USP30: variants seen among roughly 807,000 people sequenced by gnomAD.
USP30 encodes the protein ubiquitin carboxyl-terminal hydrolase 30.
Under a neutral mutation model 68.2 loss-of-function variants are expected in USP30, and 41 were observed. The observed-to-expected ratio is 0.60, with a 90% CI of 0.47 to 0.78. The LOEUF (loss-of-function observed/expected upper bound fraction) is 0.78. USP30 is among the 30% of genes least tolerant of loss of function. USP30 has a pLI of 0.00. For missense variants in USP30, 522 were observed against 649.4 expected (o/e 0.80, Z 2.13); for synonymous variants, 229 against 253.7 (o/e 0.90, Z 0.93).
upstream of USP30, among the ~76,000 whole-genome samples, chr12:109,050,012 C>T (rs1011004347): frequency 4.7e-5 from 7 of 150,364 alleles, no homozygotes; most frequent in Non-Finnish European, 7.4e-5. Context: ...CAAGATATGC[C>T]GGGCGGGGCA....
chr12:109,028,202 T>C (rs1180040172), intron 3 of USP30, among the ~76,000 whole-genome samples: 1 of 152,260 alleles, frequency 6.6e-6, no homozygotes, highest in Non-Finnish European at 1.5e-5. Context: ...CACTCATTTT[T>C]TAATTGAATT....
chr12:109,041,609 T>G (rs1431842357), intron 3 of USP30, among the ~76,000 whole-genome samples: 1 of 151,084 alleles, frequency 6.6e-6, no homozygotes, highest in Non-Finnish European at 1.5e-5. Flanking sequence ...CACTCCAGCC[T>G]GGGTGACAGA....
Position 109,030,812 on chromosome 12 carries a change from C to T in USP30, c.-136+3256C>T, listed in dbSNP as rs376724299. ...TGTATTTTTAGTAGAGAGAGGGTTTCACCATCTTGGCCAGGCTGGTCTTGA... is the reference window on the plus strand; with the variant it reads ...TGTATTTTTAGTAGAGAGAGGGTTTTACCATCTTGGCCAGGCTGGTCTTGA... On this transcript the variant is annotated intron_variant, in intron 3 of 15. Coordinates refer to the USP30 transcript ENST00000392784. Among the ~76,000 whole-genome samples the T allele has an allele frequency of 2.7e-4, 41 of 152,258 alleles. No individual in the cohort carries two copies. In the South Asian group the frequency reaches 8.1e-3, roughly 30 times the overall value.
chr12:109,032,513 C>T (rs1257423725), intron 3 of USP30, among the ~76,000 whole-genome samples: 1 of 152,080 alleles, frequency 6.6e-6, no homozygotes. Context: ...ACCTTAAGAA[C>T]ATTGTGTTAG....
At chr12:109,049,479 G>C (rs189091325), upstream of USP30, among the ~76,000 whole-genome samples, 1 of 152,224 alleles carries the variant, frequency 6.6e-6, no homozygotes, top group East Asian at 1.9e-4. Flanking sequence ...GTAACATTAA[G>C]GATCACTGAT....
chr12:109,042,429 T>C (rs1385302771), intron 3 of USP30, among the ~76,000 whole-genome samples: 1 of 152,182 alleles, frequency 6.6e-6, no homozygotes, highest in East Asian at 1.9e-4. Context: ...TAATCTTTTA[T>C]TCTCTCACAC....
At position 109,073,477 on chromosome 12, in the gene USP30, A is replaced by C. The variant is rs774065152; in HGVS notation, c.665A>C (p.His222Pro). ...HPTSNHWKSQ[H>P]PFHGRLTSNM... Reference sequence around the variant, plus strand: ...ACATCCAATCACTGGAAGTCTCAACATCCTTTTCATGGAAGACTCACTAGT... The same window carrying C: ...ACATCCAATCACTGGAAGTCTCAACCTCCTTTTCATGGAAGACTCACTAGT... Residue 222 changes from histidine to proline, a missense_variant, in exon 7 of 13, where the codon CAT becomes CCT. Transcript: ENST00000257548. 3 of 1,614,188 alleles carry C rather than the reference A, an allele frequency of 1.9e-6. No homozygotes were observed. Among genetic ancestry groups the C allele is most frequent in the Non-Finnish European group, 1.7e-6 (2 of 1,179,982 alleles).
At chr12:109,049,360 A>G (rs555664680), upstream of USP30, among the ~76,000 whole-genome samples, 1 of 152,300 alleles carries the variant, frequency 6.6e-6, no homozygotes, top group African/African-American at 2.4e-5. Flanking sequence ...GAAGAGTGAG[A>G]GAGAGGGGGG....
At chr12:109,080,921 C>T (rs571761513) in intron 7 of USP30, among the ~76,000 whole-genome samples, 12 of 152,302 alleles carry the variant, frequency 7.9e-5, no homozygotes, top group East Asian at 5.8e-4. Flanking sequence ...CTTGTAAGCG[C>T]GCTCTGCGAT....
At chr12:109,084,358 A>G (rs185518796) in intron 11 of USP30, among the ~76,000 whole-genome samples, 18 of 152,368 alleles carry the variant, frequency 1.2e-4, no homozygotes, top group Admixed American at 1.0e-3. Context: ...TATGAATGCT[A>G]TTACACGTTG....
intron 3 of USP30, among the ~76,000 whole-genome samples, chr12:109,037,443 C>A (rs2040529922): frequency 6.6e-6 from 1 of 151,962 alleles, no homozygotes. Flanking sequence ...ACTGTTTTTC[C>A]CCCTGTGCAT....
intron 3 of USP30, among the ~76,000 whole-genome samples, chr12:109,058,591 A>G (rs191688291): frequency 6.6e-6 from 1 of 152,198 alleles, no homozygotes; most frequent in East Asian, 1.9e-4. Flanking sequence ...AAAAAAATCA[A>G]AGATGGAACC....
intron 3 of USP30, among the ~76,000 whole-genome samples, chr12:109,035,746 C>T (rs1204031581): frequency 2.0e-5 from 3 of 152,228 alleles, no homozygotes; most frequent in Admixed American, 1.3e-4. Flanking sequence ...ATGTATCTCA[C>T]TTCCCCTTAA....
At chr12:109,057,401 T>C (rs2040911079) in intron 2 of USP30, among the ~76,000 whole-genome samples, 1 of 152,208 alleles carries the variant, frequency 6.6e-6, no homozygotes, top group African/African-American at 2.4e-5. Flanking sequence ...AAAAGATTGC[T>C]AGCAGAAGAG....
intron 3 of USP30, among the ~76,000 whole-genome samples, chr12:109,030,640 C>T (rs570632723): frequency 3.3e-5 from 5 of 152,124 alleles, no homozygotes; most frequent in East Asian, 3.8e-4. Flanking sequence ...TTTTTTGAGA[C>T]GGAGTCTCAC....
chr12:109,048,521 C>G (rs1297428734), upstream of USP30, among the ~76,000 whole-genome samples: 1 of 151,942 alleles, frequency 6.6e-6, no homozygotes, highest in Non-Finnish European at 1.5e-5. Context: ...TCTTGATTCA[C>G]CTGAGGTCAG....
chr12:109,043,105 A>T (rs1339663834), intron 3 of USP30, among the ~76,000 whole-genome samples: 2 of 152,318 alleles, frequency 1.3e-5, no homozygotes, highest in East Asian at 3.9e-4. Context: ...TAAAGAAGAC[A>T]TAATGGAAAC....
rs7963952 is a variant in USP30, at chr12:109,036,810, T to G, written c.-136+9254T>G. 6.2e-3 allele frequency among the ~76,000 whole-genome samples: 941 copies of G among 152,294 alleles called. 11 individuals are homozygous for G. The highest frequency in any genetic ancestry group is 0.021 in the African/African-American group (877 of 41,548). On this transcript the variant is annotated intron_variant, in intron 3 of 15. Coordinates refer to the USP30 transcript ENST00000392784. The stretch of plus-strand genomic sequence containing the variant: ...GAATTTAGCTGTCAGTCTTATTAAG[T>G]ATACCTTTTATGTGAGGGTTGCTTC...
At chr12:109,045,194 G>T (rs1283252061) in intron 3 of USP30, among the ~76,000 whole-genome samples, 1 of 152,110 alleles carries the variant, frequency 6.6e-6, no homozygotes, top group Non-Finnish European at 1.5e-5. Flanking sequence ...GGCCAGGCTG[G>T]TCTTGAATTC....
Sources: allele counts gnomAD v4.1 joint callset (sites outside exome capture counted in the v4.1 genomes callset), GRCh38; gene constraint gnomAD v4.1.1; transcripts MANE v1.5; gene names NCBI Gene and HGNC (gene_info 2026-07-23, HGNC 2026-07-21).